Variants in VPS13B observed in about 807,000 individuals in gnomAD.
The protein encoded by VPS13B is vacuolar protein sorting 13 homolog B, also known as intermembrane lipid transfer protein VPS13B.
VPS13B carries 285 observed loss-of-function variants against 426.4 expected under a neutral mutation model. The observed-to-expected ratio is 0.67, with a 90% CI of 0.61 to 0.74. The LOEUF is 0.74. Ranked by LOEUF, VPS13B falls within the 30% of genes least tolerant of loss-of-function variation. VPS13B has a pLI of 0.00. For synonymous variants in VPS13B, 1,676 were observed against 1,676.4 expected, an observed-to-expected ratio of 1.00 and a Z score of 0.01; for missense variants, 4,537 against 4,782.6, an observed-to-expected ratio of 0.95 and a Z score of 1.51.
intron 15 of VPS13B, 124 bp from the exon 16 acceptor site, chr8:99,169,915 A>T: frequency 8.3e-7 from 1 of 1,203,554 alleles, no homozygotes. Flanking sequence ...TGGGAAGTGG[A>T]AAAAGACTTT....
At chr8:99,735,765 A>G (rs908669504) in intron 39 of VPS13B, among the ~76,000 whole-genome samples, 1 of 152,234 alleles carries the variant, frequency 6.6e-6, no homozygotes, top group Non-Finnish European at 1.5e-5. Context: ...GTGTCAGGAA[A>G]GCCCAGGCAT....
chr8:99,120,983 G>T (rs1436939480), intron 7 of VPS13B, among the ~76,000 whole-genome samples, 194 bp from the exon 8 acceptor site: 18 of 152,274 alleles, frequency 1.2e-4, no homozygotes, highest in Non-Finnish European at 2.6e-4. Context: ...AAAGGAGAAA[G>T]ATACGGTACA....
chr8:99,647,497 T>C (rs1829629944), intron 34 of VPS13B, among the ~76,000 whole-genome samples: 1 of 150,840 alleles, frequency 6.6e-6, no homozygotes, highest in Admixed American at 6.6e-5. Context: ...AAGAATCACT[T>C]GAACCTGGGA....
rs1842359903 is a variant in VPS13B, at chr8:99,029,178, T to C, written c.148-9245T>C. ...GAGGTGCTCCCCACATCTCAGACGA[T>C]GGGCGGCCGGGCAGAAACGCTCCTC... On this transcript the variant is annotated intron_variant, in intron 2 of 61. Coordinates refer to ENST00000357162, the MANE Select transcript of VPS13B (RefSeq NM_152564.5). Among the ~76,000 whole-genome samples the C allele has an allele frequency of 2.3e-5, 3 of 129,522 alleles. No individual in the cohort carries two copies. In the South Asian group the frequency reaches 8.0e-4, roughly 34 times the overall value. 85.0% of individuals were successfully genotyped at this position (129,522 alleles called of 152,430 possible). A position where few individuals can be genotyped will look rare whatever the true frequency, so the allele number is the denominator to read the frequency against.
chr8:99,461,939 T>G (rs534736438), intron 23 of VPS13B, among the ~76,000 whole-genome samples: 1 of 152,202 alleles, frequency 6.6e-6, no homozygotes, highest in African/African-American at 2.4e-5. Context: ...TATTGCTCAG[T>G]GCTCTGTCCC....
chr8:99,251,820 C>T (rs912078173), intron 17 of VPS13B, among the ~76,000 whole-genome samples: 3 of 151,888 alleles, frequency 2.0e-5, no homozygotes, highest in African/African-American at 7.2e-5. Flanking sequence ...CATTTTTCTT[C>T]CCCTTGAAGA....
intron 33 of VPS13B, among the ~76,000 whole-genome samples, chr8:99,615,125 A>AG (rs2133882379): frequency 6.8e-6 from 1 of 147,000 alleles, no homozygotes; most frequent in East Asian, 1.9e-4. Context: ...CTCAAAAAAA[A>AG]AAAAAAAAAA....
At chr8:99,358,837 A>C (rs1458468498) in intron 19 of VPS13B, among the ~76,000 whole-genome samples, 2 of 152,158 alleles carry the variant, frequency 1.3e-5, no homozygotes, top group Non-Finnish European at 2.9e-5. Flanking sequence ...TCATTTTAAC[A>C]ATTATCTTTT....
chr8:99,874,735 T>C (rs566972844), intron 61 of VPS13B, among the ~76,000 whole-genome samples: 35 of 152,302 alleles, frequency 2.3e-4, no homozygotes, highest in African/African-American at 8.4e-4. Context: ...CTGAAGAACC[T>C]AGTGTATCTC....
At chr8:99,633,729 G>T (rs572234050) in intron 33 of VPS13B, among the ~76,000 whole-genome samples, 10 of 151,400 alleles carry the variant, frequency 6.6e-5, no homozygotes, top group East Asian at 1.9e-4. Flanking sequence ...TAACATCATG[G>T]CCATTTCAAA....
At chr8:99,807,421 AT>A (rs35086154) in intron 43 of VPS13B, among the ~76,000 whole-genome samples, 12,638 of 145,434 alleles carry the variant, frequency 0.087, 584 homozygotes, top group Non-Finnish European at 0.11. Flanking sequence ...TTGCCTCATT[AT>A]TTTTTTTTTT....
chr8:99,299,647 C>T (rs1476487784), intron 19 of VPS13B, among the ~76,000 whole-genome samples: 2 of 151,812 alleles, frequency 1.3e-5, no homozygotes, highest in Non-Finnish European at 2.9e-5. Flanking sequence ...CACGGTGGCT[C>T]ATGCCTGTAA....
intron 17 of VPS13B, among the ~76,000 whole-genome samples, chr8:99,267,696 CAG>C: frequency 6.7e-6 from 1 of 150,288 alleles, no homozygotes; most frequent in South Asian, 2.1e-4. Flanking sequence ...CACTGCACTC[CAG>C]CCTGGCGACA....
intron 20 of VPS13B, among the ~76,000 whole-genome samples, chr8:99,386,095 G>A (rs1339620787): frequency 6.6e-6 from 1 of 152,102 alleles, no homozygotes; most frequent in Non-Finnish European, 1.5e-5. Context: ...TTAGACTAAT[G>A]GCAGTAACCA....
intron 21 of VPS13B, among the ~76,000 whole-genome samples, chr8:99,409,681 GA>G (rs1178356591): frequency 6.6e-6 from 1 of 151,954 alleles, no homozygotes; most frequent in African/African-American, 2.4e-5. Context: ...CCACTTACAG[GA>G]AAAACAATTA....
intron 25 of VPS13B, among the ~76,000 whole-genome samples, chr8:99,487,665 T>C (rs779115257): frequency 3.3e-5 from 5 of 152,216 alleles, no homozygotes; most frequent in Admixed American, 1.3e-4. Context: ...GATTTGCCTA[T>C]TCTAGGTACT....
chr8:99,775,976 A>G (rs1811723797), intron 40 of VPS13B, among the ~76,000 whole-genome samples: 1 of 152,186 alleles, frequency 6.6e-6, no homozygotes, highest in South Asian at 2.1e-4. Flanking sequence ...GGACCCATGC[A>G]TTGTAATTGT....
intron 17 of VPS13B, among the ~76,000 whole-genome samples, chr8:99,211,508 A>C (rs1055763664): frequency 2.0e-5 from 3 of 152,208 alleles, no homozygotes; most frequent in Non-Finnish European, 2.9e-5. Flanking sequence ...AGATTTAGAC[A>C]AGCTAGATTT....
intron 31 of VPS13B, among the ~76,000 whole-genome samples, chr8:99,557,441 A>G (rs1384920074): frequency 6.6e-6 from 1 of 152,100 alleles, no homozygotes; most frequent in African/African-American, 2.4e-5. Flanking sequence ...AATGGCCACC[A>G]GTTCCATCTA....
Sources: gnomAD v4.1 joint callset for allele counts (sites outside exome capture counted in the v4.1 genomes callset) on GRCh38, gnomAD v4.1.1 for gene constraint, MANE v1.5 for transcripts, NCBI Gene and HGNC (gene_info 2026-07-23, HGNC 2026-07-21) for gene names.